The following TLN2 variants were observed in gnomAD, a reference collection of about 807,000 sequenced individuals.
TLN2 encodes the protein talin-2.
Under a neutral mutation model 294.7 loss-of-function variants are expected in TLN2, and 118 were observed. That is an observed-to-expected ratio of 0.40 (90% CI 0.34 to 0.47). The LOEUF (loss-of-function observed/expected upper bound fraction) is 0.47, where lower values mean the gene tolerates loss of function less well. TLN2 is among the 20% of genes least tolerant of loss of function. TLN2 has a pLI of 0.84. For missense variants in TLN2, 3,083 were observed against 3,282.2 expected, an observed-to-expected ratio of 0.94 and a Z score of 1.48; for synonymous variants, 1,431 against 1,304.5, an observed-to-expected ratio of 1.10 and a Z score of -2.09.
At chr15:62,405,191 T>C (rs1004140529) in intron 1 of TLN2, among the ~76,000 whole-genome samples, 17 of 152,180 alleles carry the variant, frequency 1.1e-4, no homozygotes, top group African/African-American at 3.4e-4. Flanking sequence ...TTGCGGTTCT[T>C]AGCCCTGGGT....
chr15:62,464,725 G>T (rs1428376038), intron 1 of TLN2, among the ~76,000 whole-genome samples: 1 of 152,032 alleles, frequency 6.6e-6, no homozygotes, highest in East Asian at 1.9e-4. Context: ...TTTTATTCTT[G>T]TTCATGTTAG....
intron 1 of TLN2, among the ~76,000 whole-genome samples, chr15:62,575,961 T>G (rs1018960219): frequency 6.6e-6 from 1 of 152,184 alleles, no homozygotes. Context: ...TTTGTCTTAT[T>G]CTGTTTATTT....
At chr15:62,503,099 G>C (rs2039396167) in intron 1 of TLN2, among the ~76,000 whole-genome samples, 1 of 149,408 alleles carries the variant, frequency 6.7e-6, no homozygotes, top group Non-Finnish European at 1.5e-5. Context: ...CCAGATTGCA[G>C]ACTCTGCTAC....
At chr15:62,520,804 G>A (rs1041224262) in intron 1 of TLN2, among the ~76,000 whole-genome samples, 1 of 152,084 alleles carries the variant, frequency 6.6e-6, no homozygotes, top group African/African-American at 2.4e-5. Flanking sequence ...GAGATAGAGC[G>A]ATTTAAAAAA....
At chr15:62,641,644 T>A (rs918019158) in intron 3 of TLN2, among the ~76,000 whole-genome samples, 7 of 110,750 alleles carry the variant, frequency 6.3e-5, no homozygotes, top group East Asian at 5.3e-4. Flanking sequence ...AAAAAAAAAA[T>A]AATAATAACA....
At chr15:62,738,725 G>A (rs997920381) in intron 30 of TLN2, among the ~76,000 whole-genome samples, 1 of 152,120 alleles carries the variant, frequency 6.6e-6, no homozygotes, top group East Asian at 1.9e-4. Flanking sequence ...TCCCTTCCCT[G>A]CTTTGTGAGT....
rs1352396402 is a variant in TLN2, at chr15:62,414,885, C to G, written c.-238+24200C>G. Among the ~76,000 whole-genome samples, 4 of 140,710 alleles carry G rather than the reference C, an allele frequency of 2.8e-5. 2 individuals carry two copies. The highest frequency in any genetic ancestry group is 6.1e-5 in the Non-Finnish European group (4 of 65,854). The allele number at this position is 140,710 out of a possible 152,430, so 92.3% of individuals were successfully genotyped here. A position where few individuals can be genotyped will look rare whatever the true frequency, so the allele number is the denominator to read the frequency against. On this transcript the variant is annotated intron_variant, in intron 1 of 58. Transcript: ENST00000636159. The stretch of plus-strand genomic sequence containing the variant: ...AAATAAAAGAATTTTTCCTGTCAAG[C>G]ATGCCTTTTAAAATTTTTATTATTT...
intron 30 of TLN2, among the ~76,000 whole-genome samples, 154 bp downstream of exon 30, chr15:62,738,487 G>A (rs926066201): frequency 2.0e-5 from 3 of 152,166 alleles, no homozygotes; most frequent in Non-Finnish European, 2.9e-5. Context: ...ATGTTTTGCT[G>A]TCTGATCAAC....
At chr15:62,829,076 T>C (rs1246980672) in intron 54 of TLN2, 2 of 151,616 alleles carry the variant, frequency 1.3e-5, no homozygotes, top group Non-Finnish European at 2.9e-5. Flanking sequence ...GTGAGGGCTA[T>C]CCATTTATTT....
intron 51 of TLN2, among the ~76,000 whole-genome samples, chr15:62,806,285 G>A (rs992001221): frequency 6.6e-6 from 1 of 152,214 alleles, no homozygotes; most frequent in South Asian, 2.1e-4. Context: ...AGGGGATGGA[G>A]TCAGCCTTGC....
intron 9 of TLN2, among the ~76,000 whole-genome samples, chr15:62,665,464 C>T (rs188563001): frequency 2.0e-5 from 3 of 152,312 alleles, no homozygotes; most frequent in Admixed American, 6.5e-5. Context: ...GTAATAGGCA[C>T]TGGAGGCCAG....
chr15:62,784,809 C>T (rs1044682224), intron 45 of TLN2: 6 of 152,206 alleles, frequency 3.9e-5, no homozygotes, highest in Non-Finnish European at 7.3e-5. Context: ...ATGTTCGAGA[C>T]GTTCCTAAAT....
chr15:62,529,372 A>T (rs886191986), intron 1 of TLN2, among the ~76,000 whole-genome samples: 2 of 152,088 alleles, frequency 1.3e-5, no homozygotes, highest in Non-Finnish European at 2.9e-5. Context: ...TACACGTGTG[A>T]GCCACTGCGC....
At chr15:62,768,174 T>C (rs897576359) in intron 41 of TLN2, among the ~76,000 whole-genome samples, 1 of 152,152 alleles carries the variant, frequency 6.6e-6, no homozygotes, top group Non-Finnish European at 1.5e-5. Flanking sequence ...GAAATGCCAG[T>C]TCTCAGACCC....
intron 36 of TLN2, chr15:62,755,330 T>A (rs1394063095): frequency 1.7e-6 from 1 of 604,912 alleles, no homozygotes; most frequent in South Asian, 2.5e-5. Flanking sequence ...TCCTTTTTTC[T>A]TATTCTTTCT....
At chr15:62,687,200 G>A (rs527581897) in intron 12 of TLN2, among the ~76,000 whole-genome samples, 27 of 152,292 alleles carry the variant, frequency 1.8e-4, no homozygotes, top group African/African-American at 6.0e-4. Context: ...ATCTTGCTGA[G>A]GAATGTTTTC....
intron 1 of TLN2, among the ~76,000 whole-genome samples, chr15:62,439,103 G>T (rs1470935385): frequency 6.6e-6 from 1 of 152,146 alleles, no homozygotes; most frequent in Non-Finnish European, 1.5e-5. Context: ...TAGGATCAAG[G>T]ATAATAAATG....
chr15:62,705,815 G>C (rs1179676154), intron 19 of TLN2, among the ~76,000 whole-genome samples: 1 of 152,200 alleles, frequency 6.6e-6, no homozygotes, highest in African/African-American at 2.4e-5. Flanking sequence ...GGGATCTTCT[G>C]CTTTCAGCAC....
intron 1 of TLN2, among the ~76,000 whole-genome samples, chr15:62,542,461 A>G (rs531828340): frequency 3.3e-5 from 5 of 152,310 alleles, no homozygotes; most frequent in African/African-American, 9.6e-5. Flanking sequence ...AAGTGCTGGG[A>G]TTACAGGTGT....
Sources: gnomAD v4.1 joint callset for allele counts (sites outside exome capture counted in the v4.1 genomes callset) on GRCh38, gnomAD v4.1.1 for gene constraint, MANE v1.5 for transcripts, NCBI Gene and HGNC (gene_info 2026-07-23, HGNC 2026-07-21) for gene names.